STK3: variants seen among roughly 807,000 people sequenced by gnomAD.
The protein encoded by STK3 is serine/threonine kinase 3, also known as serine/threonine-protein kinase 3.
A neutral mutation model predicts 58.0 loss-of-function variants in STK3; 41 were observed. That is an observed-to-expected ratio of 0.71 (90% confidence interval 0.55 to 0.92). STK3 has a LOEUF of 0.92. Among genes scored for constraint, STK3 ranks in the 40% least tolerant of loss-of-function variants. The pLI is 0.00. For missense variants in STK3, 479 were observed against 602.7 expected, an observed-to-expected ratio of 0.79 and a Z score of 2.15; for synonymous variants, 170 against 191.0, an observed-to-expected ratio of 0.89 and a Z score of 0.91.
intron 1 of STK3, among the ~76,000 whole-genome samples, chr8:98,916,787 T>C (rs1417630314): frequency 6.6e-6 from 1 of 152,234 alleles, no homozygotes; most frequent in Non-Finnish European, 1.5e-5. Flanking sequence ...AATTGTAAGA[T>C]ATTTTTAGTT....
intron 10 of STK3, among the ~76,000 whole-genome samples, chr8:98,480,716 C>A (rs921383493): frequency 2.0e-5 from 3 of 152,144 alleles, no homozygotes; most frequent in African/African-American, 7.2e-5. Flanking sequence ...AGAAATCCAA[C>A]CTTGGTATGC....
chr8:98,839,679 A>T (rs1345603701), intron 3 of STK3, among the ~76,000 whole-genome samples: 1 of 152,198 alleles, frequency 6.6e-6, no homozygotes, highest in Non-Finnish European at 1.5e-5. Context: ...TATCCATGGA[A>T]TACTTTTACG....
intron 10 of STK3, among the ~76,000 whole-genome samples, chr8:98,501,267 T>A (rs115875848): frequency 0.065 from 9,820 of 152,176 alleles, 440 homozygotes; most frequent in Non-Finnish European, 0.093. Flanking sequence ...TTTTTTCTTG[T>A]CAATTTGTTT....
At chr8:98,411,619 T>C (rs1818058526) in intron 3 of STK3, among the ~76,000 whole-genome samples, 1 of 152,234 alleles carries the variant, frequency 6.6e-6, no homozygotes, top group African/African-American at 2.4e-5. Flanking sequence ...ACAGACCACA[T>C]TTACTCCAAG....
At chr8:98,813,333 T>C (rs970860065) in intron 1 of STK3, among the ~76,000 whole-genome samples, 4 of 152,240 alleles carry the variant, frequency 2.6e-5, no homozygotes, top group African/African-American at 4.8e-5. Context: ...CTTTCTATCA[T>C]TGTTTTGATA....
At chr8:98,461,886 T>C (rs1296591815) in intron 10 of STK3, among the ~76,000 whole-genome samples, 2 of 152,218 alleles carry the variant, frequency 1.3e-5, no homozygotes, top group Admixed American at 6.5e-5. Context: ...ACAGGTTACA[T>C]AACGCTTTTG....
intron 8 of STK3, among the ~76,000 whole-genome samples, chr8:98,556,292 A>G (rs72666643): frequency 0.03 from 4,522 of 152,236 alleles, 98 homozygotes; most frequent in South Asian, 0.06. Context: ...ATACAAATCC[A>G]TATTACAGGG....
At chr8:98,537,305 T>C (rs1351795612) in intron 9 of STK3, among the ~76,000 whole-genome samples, 1 of 152,204 alleles carries the variant, frequency 6.6e-6, no homozygotes, top group Non-Finnish European at 1.5e-5. Context: ...AAACAATTTT[T>C]AAAAAATTTT....
intron 10 of STK3, among the ~76,000 whole-genome samples, chr8:98,467,548 A>ATGTGTGTG (rs61136775): frequency 4.1e-4 from 61 of 148,184 alleles, no homozygotes; most frequent in East Asian, 1.0e-3. Context: ...TATTTAAAAA[A>ATGTGTGTG]TGTGTGTGTG....
At chr8:98,725,436 A>G (rs1827729407) in intron 4 of STK3, among the ~76,000 whole-genome samples, 1 of 152,204 alleles carries the variant, frequency 6.6e-6, no homozygotes, top group Non-Finnish European at 1.5e-5. Context: ...TATAATTTAT[A>G]TAATTAAAAG....
At chr8:98,847,718 T>G (rs1055447306) in intron 3 of STK3, among the ~76,000 whole-genome samples, 20 of 151,082 alleles carry the variant, frequency 1.3e-4, no homozygotes, top group South Asian at 4.2e-4. Context: ...AAAAAAAAGG[T>G]TTTTTTTTGT....
intron 1 of STK3, among the ~76,000 whole-genome samples, chr8:98,907,216 T>C (rs1206663845): frequency 6.6e-6 from 1 of 151,418 alleles, no homozygotes; most frequent in Non-Finnish European, 1.5e-5. Flanking sequence ...TAGAAGTATA[T>C]AGAAATCTCA....
At chr8:98,653,849 C>T (rs1250113703) in intron 6 of STK3, among the ~76,000 whole-genome samples, 2 of 152,022 alleles carry the variant, frequency 1.3e-5, no homozygotes, top group African/African-American at 4.8e-5. Flanking sequence ...TAATAGCTTA[C>T]CAACCAAAAA....
intron 4 of STK3, among the ~76,000 whole-genome samples, chr8:98,744,496 G>A (rs912489579): frequency 1.3e-4 from 19 of 146,788 alleles, no homozygotes; most frequent in African/African-American, 4.5e-4. Flanking sequence ...AAAACCAAAC[G>A]CTGCATATTC....
At chr8:98,613,005 G>A (rs1407220402) in intron 6 of STK3, among the ~76,000 whole-genome samples, 1 of 152,178 alleles carries the variant, frequency 6.6e-6, no homozygotes, top group East Asian at 1.9e-4. Flanking sequence ...CCACTGAGGA[G>A]GACTAGAAAA....
chr8:98,385,435 G>A (rs1457415832), intron 1 of STK3, among the ~76,000 whole-genome samples: 1 of 152,182 alleles, frequency 6.6e-6, no homozygotes, highest in African/African-American at 2.4e-5. Context: ...AGAACAGCCA[G>A]ATGTCCTTAA....
At chr8:98,382,244 C>T (rs1180670492) in intron 1 of STK3, among the ~76,000 whole-genome samples, 1 of 152,214 alleles carries the variant, frequency 6.6e-6, no homozygotes, top group African/African-American at 2.4e-5. Flanking sequence ...CTTCTCCCTG[C>T]CTGAGAAGCA....
At chr8:98,772,999 T>C (rs1831417709) in intron 2 of STK3, among the ~76,000 whole-genome samples, 1 of 152,196 alleles carries the variant, frequency 6.6e-6, no homozygotes, top group Admixed American at 6.5e-5. Flanking sequence ...TTTTTTAGAA[T>C]TTGTAACTTT....
chr8:98,466,930 T>A (rs1370124385), intron 10 of STK3, among the ~76,000 whole-genome samples: 2 of 152,042 alleles, frequency 1.3e-5, no homozygotes, highest in Non-Finnish European at 2.9e-5. Flanking sequence ...AAGGTAAGGG[T>A]CACTACTCCA....
Sources: allele counts gnomAD v4.1 joint callset (sites outside exome capture counted in the v4.1 genomes callset), GRCh38; gene constraint gnomAD v4.1.1; transcripts MANE v1.5; gene names NCBI Gene and HGNC (gene_info 2026-07-23, HGNC 2026-07-21).